Variants in R3HDM2 observed in about 807,000 individuals in gnomAD.
R3HDM2 encodes R3H domain containing 2.
R3HDM2 carries 38 observed loss-of-function variants against 124.5 expected under a neutral mutation model. That is an observed-to-expected ratio of 0.31 (90% confidence interval 0.24 to 0.40). The LOEUF (loss-of-function observed/expected upper bound fraction) is 0.40. Among genes scored for constraint, R3HDM2 ranks in the 10% least tolerant of loss-of-function variants. The probability of loss-of-function intolerance (pLI) is 1.00; values close to 1 mark genes in which losing one functional copy is unlikely to be tolerated. For missense variants in R3HDM2, 869 were observed against 1,236.9 expected (o/e 0.70, Z 4.46); for synonymous variants, 391 against 448.0 (o/e 0.87, Z 1.61).
chr12:57,334,944 C>T (rs544761434), intron 2 of R3HDM2, among the ~76,000 whole-genome samples: 26 of 150,992 alleles, frequency 1.7e-4, no homozygotes, highest in African/African-American at 6.3e-4. Flanking sequence ...TTGAGAGCAG[C>T]CTGGGCAACA....
At chr12:57,275,512 A>C (rs2044479481) in intron 14 of R3HDM2, among the ~76,000 whole-genome samples, 1 of 151,942 alleles carries the variant, frequency 6.6e-6, no homozygotes, top group Non-Finnish European at 1.5e-5. Flanking sequence ...AAAAAAAAAA[A>C]AAAAAACAGC....
At chr12:57,258,724 T>C (rs2039834440) in intron 20 of R3HDM2, among the ~76,000 whole-genome samples, 166 bp downstream of exon 20, 1 of 152,152 alleles carries the variant, frequency 6.6e-6, no homozygotes, top group Non-Finnish European at 1.5e-5. Flanking sequence ...TGCCACCTTA[T>C]ATATTAGGTT....
intron 1 of R3HDM2, among the ~76,000 whole-genome samples, chr12:57,417,536 G>C (rs1401594712): frequency 6.6e-6 from 1 of 152,094 alleles, no homozygotes; most frequent in South Asian, 2.1e-4. Context: ...ATTATTCTGA[G>C]GATTAAATGA....
Position 57,310,284 on chromosome 12 carries a change from T to C in R3HDM2, c.145A>G (p.Ser49Gly). The change falls in exon 3 of 24, where the codon AGT becomes GGT. Residue 49 changes from serine to glycine, a missense_variant. Ser to Gly is a moderately conservative substitution (Grantham distance 56, BLOSUM62 0). Coordinates refer to ENST00000402412, the MANE Select transcript of R3HDM2 (RefSeq NM_001394031.1). ...GTTACCTGTGTCTCCTGACGCAAAC[T>C]GGTATCTTCACATTCTTTCTCAATT... is the stretch of plus-strand genomic sequence containing the variant. ...EEIEKECEDTSLRQETQRRTS... is the reference protein window; with the variant it reads ...EEIEKECEDTGLRQETQRRTS... The C allele has an allele frequency of 5.2e-6, 8 of 1,539,680 alleles. No homozygotes were observed. Among genetic ancestry groups the C allele is most frequent in the Non-Finnish European group, 7.0e-6 (8 of 1,143,218 alleles).
In R3HDM2 at chr12:57,253,870, A is replaced by G. The variant is rs2038145652; in HGVS notation, c.*903T>C. On this transcript the variant is annotated 3_prime_UTR_variant, in exon 24 of 24. Coordinates refer to ENST00000402412, the MANE Select transcript of R3HDM2 (RefSeq NM_001394031.1). ...ATTAAATAAAATTTACAGTGAATAT[A>G]CCCAGCAAACATCTGTATGTGCAAT... 4.9e-6 allele frequency: 1 copy of G among 202,902 alleles called. No homozygotes were observed. Among genetic ancestry groups the G allele is most frequent in the South Asian group, 7.1e-5 (1 of 14,060 alleles). 12.6% of individuals were successfully genotyped at this position (202,902 alleles called of 1,614,324 possible).
intron 3 of R3HDM2, among the ~76,000 whole-genome samples, chr12:57,304,732 G>A (rs190051113): frequency 6.6e-6 from 1 of 152,126 alleles, no homozygotes; most frequent in Non-Finnish European, 1.5e-5. Flanking sequence ...GCATAATGGG[G>A]ATATATATAG....
At chr12:57,379,184 A>C (rs748217653) in intron 2 of R3HDM2, among the ~76,000 whole-genome samples, 2 of 152,228 alleles carry the variant, frequency 1.3e-5, no homozygotes, top group Non-Finnish European at 2.9e-5. Flanking sequence ...AAATGTATTT[A>C]ATACCACTGA....
chr12:57,268,440 G>A lies in R3HDM2; in HGVS notation c.1893C>T (p.Asp631=). The A allele has an allele frequency of 6.2e-7, 1 of 1,614,008 alleles. No homozygotes were observed. Among genetic ancestry groups the A allele is most frequent in the Non-Finnish European group, 8.5e-7 (1 of 1,179,982 alleles). Residue 631 remains aspartate (D), a synonymous_variant, in exon 18 of 24, where the codon GAC becomes GAT. Coordinates refer to ENST00000402412, the MANE Select transcript of R3HDM2 (RefSeq NM_001394031.1). ...AAGGCGGCTGGACCACATTTTGCGA[G>A]TCACTACCCACTGGAACCTGGGTGA... ...LPSYQVPVGS[D]SQNVVQPPFQ... is the part of the protein sequence containing the mutation.
intron 1 of R3HDM2, among the ~76,000 whole-genome samples, chr12:57,408,931 A>G (rs1303077821): frequency 1.3e-5 from 2 of 151,346 alleles, no homozygotes; most frequent in African/African-American, 4.9e-5. Context: ...TTCAATTTCT[A>G]CTTCTTCCAC....
chr12:57,325,634 C>T (rs1281748058), intron 2 of R3HDM2, among the ~76,000 whole-genome samples: 1 of 152,036 alleles, frequency 6.6e-6, no homozygotes. Flanking sequence ...GAAGCCTTGA[C>T]CTTAGGCCCA....
chr12:57,379,083 A>C (rs768904443), intron 2 of R3HDM2, among the ~76,000 whole-genome samples: 2 of 152,150 alleles, frequency 1.3e-5, no homozygotes, highest in Non-Finnish European at 2.9e-5. Flanking sequence ...GAGAATGGGG[A>C]ATTATTGTTT....
chr12:57,269,662 C>A, intron 15 of R3HDM2, 90 bp downstream of exon 15: 1 of 1,560,698 alleles, frequency 6.4e-7, no homozygotes, highest in Non-Finnish European at 8.7e-7. Context: ...GAGGTATTCC[C>A]TCTGGTCTGT....
At chr12:57,317,184 T>C (rs1465133852) in intron 2 of R3HDM2, among the ~76,000 whole-genome samples, 2 of 120,222 alleles carry the variant, frequency 1.7e-5, no homozygotes, top group East Asian at 4.9e-4. Flanking sequence ...CCCAGGCTTT[T>C]TGTGTTTTTT....
chr12:57,289,197 G>C (rs7488274), intron 11 of R3HDM2, among the ~76,000 whole-genome samples, 157 bp from the exon 12 acceptor site: 9,525 of 152,122 alleles, frequency 0.063, 409 homozygotes, highest in East Asian at 0.2. Flanking sequence ...ACCCATACCC[G>C]CATACCCAAT....
intron 1 of R3HDM2, among the ~76,000 whole-genome samples, chr12:57,398,213 AAAAAAG>A (rs949580245): frequency 2.0e-5 from 3 of 152,012 alleles, no homozygotes; most frequent in African/African-American, 4.8e-5. Context: ...CTCAAAAAAA[AAAAAAG>A]AAAAAGAAAA....
intron 18 of R3HDM2, among the ~76,000 whole-genome samples, chr12:57,267,868 C>T (rs2042823737): frequency 6.6e-6 from 1 of 152,140 alleles, no homozygotes; most frequent in South Asian, 2.1e-4. Context: ...CCTTCTACCA[C>T]TAAAAATTCT....
intron 2 of R3HDM2, among the ~76,000 whole-genome samples, chr12:57,368,728 C>G (rs907519034): frequency 7.2e-5 from 11 of 152,158 alleles, no homozygotes; most frequent in African/African-American, 2.7e-4. Context: ...GCATCTGAAA[C>G]CCTCCTGGAC....
chr12:57,261,398 G>T (rs1293423976), intron 19 of R3HDM2, among the ~76,000 whole-genome samples: 1 of 152,182 alleles, frequency 6.6e-6, no homozygotes, highest in African/African-American at 2.4e-5. Context: ...AGGAAAGGTG[G>T]AGAAGGGGGT....
At chr12:57,320,619 G>T (rs2136290183) in intron 2 of R3HDM2, among the ~76,000 whole-genome samples, 1 of 152,280 alleles carries the variant, frequency 6.6e-6, no homozygotes, top group African/African-American at 2.4e-5. Flanking sequence ...GGGGGAACAG[G>T]TGGGGCAGTG....
Sources: gnomAD v4.1 joint callset for allele counts (sites outside exome capture counted in the v4.1 genomes callset) on GRCh38, gnomAD v4.1.1 for gene constraint, MANE v1.5 for transcripts, NCBI Gene and HGNC (gene_info 2026-07-23, HGNC 2026-07-21) for gene names.